The following SUPT5H variants were observed in gnomAD, a reference collection of about 807,000 sequenced individuals.
SUPT5H encodes SPT5 homolog, DSIF elongation factor subunit.
SUPT5H carries 24 observed loss-of-function variants against 142.5 expected under a neutral mutation model. The ratio of observed to expected loss-of-function variants is 0.17; its 90% confidence interval spans 0.12 to 0.24. The LOEUF is 0.24. Among genes scored for constraint, SUPT5H ranks in the 10% least tolerant of loss-of-function variants. SUPT5H has a pLI of 1.00. For missense variants in SUPT5H, 893 were observed against 1,471.8 expected, an observed-to-expected ratio of 0.61 and a Z score of 6.43; for synonymous variants, 546 against 553.0, an observed-to-expected ratio of 0.99 and a Z score of 0.18.
At position 39,458,408 on chromosome 19, in the gene SUPT5H, G is replaced by A. The variant is rs115496628; in HGVS notation, c.319+103G>A. 658 of 1,581,472 alleles carry A rather than the reference G, an allele frequency of 4.2e-4. 5 individuals are homozygous for A. In the African/African-American group the frequency reaches 7.5e-3, roughly 18 times the overall value. On this transcript the variant is annotated intron_variant, in intron 5 of 29. Transcript: ENST00000432763. This position sits in a 1 kb window ranked among gnomAD's most constrained non-coding sequence, Gnocchi z 4.2. ...CACCGGTAGCCTCCCCACCAGCCCC[G>A]GTCTGGCCCTGAGGGCTCTGACCCA...
Position 39,472,483 on chromosome 19 carries a change from C to G in SUPT5H, c.2025C>G (p.Pro675=), listed in dbSNP as rs2079334791. The part of the protein sequence containing the change: ...MSPRISSPMH[P]SAGGQRGGFG... ...CCCGGATCAGCAGCCCCATGCACCC[C>G]AGTGCTGGAGGTGAGAGGGGTTCAG... Residue 675 remains proline (P), a synonymous_variant, in exon 21 of 30, where the codon CCC becomes CCG. Coordinates refer to ENST00000432763, the MANE Select transcript of SUPT5H (RefSeq NM_001111020.3). This position sits in a 1 kb window ranked among gnomAD's most constrained non-coding sequence, Gnocchi z 4.2. 5 of 1,613,996 alleles carry G rather than the reference C, an allele frequency of 3.1e-6. No individual in the cohort carries two copies. Among genetic ancestry groups the G allele is most frequent in the Non-Finnish European group, 2.5e-6 (3 of 1,179,970 alleles).
At chr19:39,475,927 CCCAGGCCTTGGAA>C in intron 28 of SUPT5H, 141 bp from the exon 29 acceptor site, 1 of 666,598 alleles carries the variant, frequency 1.5e-6, no homozygotes, top group Non-Finnish European at 2.5e-6. Context: ...CACCACAGGC[CCCAGGCCTTGGAA>C]CCAGGCCCAG....
intron 3 of SUPT5H, among the ~76,000 whole-genome samples, chr19:39,454,975 G>A (rs1336561658): frequency 2.6e-5 from 4 of 152,202 alleles, no homozygotes; most frequent in Admixed American, 6.5e-5. Context: ...GGAAGGCTGT[G>A]TGGCAGTGCC....
rs2079289788 is a variant in SUPT5H at position 39,469,532 on chromosome 19, A to G, written c.1374+134A>G. The G allele has an allele frequency of 3.8e-6, 5 of 1,312,044 alleles. No individual in the cohort carries two copies. The South Asian group carries it at 6.9e-5, about 18-fold the overall frequency. 81.3% of individuals were successfully genotyped at this position (1,312,044 alleles called of 1,614,324 possible). On this transcript the variant is annotated intron_variant, in intron 16 of 29. Coordinates refer to ENST00000432763, the MANE Select transcript of SUPT5H (RefSeq NM_001111020.3). This position sits in a 1 kb window ranked among gnomAD's most constrained non-coding sequence, Gnocchi z 5.1. ...AAGTTGAGGCCCTTCTAGCATTCTC[A>G]GGTGCCTGAGAGGCTCTGTCTGAGT...
chr19:39,458,079 C>G lies in SUPT5H; in HGVS notation c.308-215C>G, dbSNP rs1273960120. The G allele has an allele frequency of 4.9e-6, 4 of 824,322 alleles. No individual in the cohort carries two copies. The highest frequency in any genetic ancestry group is 7.4e-6 in the Non-Finnish European group (4 of 536,984). The allele number at this position is 824,322 out of a possible 1,614,324, so 51.1% of individuals were successfully genotyped here. ...CCCCCTTTCCCCGTTATTTTCCGTT[C>G]TGTGCGCCTCATACATTTCGGCTTC... On this transcript the variant is annotated intron_variant, in intron 4 of 29. Transcript: ENST00000432763. The surrounding 1 kb of genome is among the most constrained non-coding windows in gnomAD (Gnocchi z 4.2).
Position 39,473,759 on chromosome 19 carries a change from G to C in SUPT5H, c.2493-204G>C, listed in dbSNP as rs2079359667. The stretch of plus-strand genomic sequence containing the variant: ...CCTTGGGCCTGGAGAAAGACTGCCT[G>C]GGTGGAGTGACCTTGGGAGGGCACC... On this transcript the variant is annotated intron_variant, in intron 25 of 29. Transcript: ENST00000432763. This position sits in a 1 kb window ranked among gnomAD's most constrained non-coding sequence, Gnocchi z 5.8. 6.6e-6 allele frequency among the ~76,000 whole-genome samples: 1 copy of C among 152,152 alleles called. No homozygotes were observed. The highest frequency in any genetic ancestry group is 2.1e-4 in the South Asian group (1 of 4,832).
chr19:39,469,529 C>A lies in SUPT5H; in HGVS notation c.1374+131C>A. ...GGTAAGTTGAGGCCCTTCTAGCATT[C>A]TCAGGTGCCTGAGAGGCTCTGTCTG... On this transcript the variant is annotated intron_variant, in intron 16 of 29. Coordinates refer to ENST00000432763, the MANE Select transcript of SUPT5H (RefSeq NM_001111020.3). This position sits in a 1 kb window ranked among gnomAD's most constrained non-coding sequence, Gnocchi z 5.1. 7.5e-7 allele frequency: 1 copy of A among 1,333,628 alleles called. No individual in the cohort carries two copies. The highest frequency in any genetic ancestry group is 1.0e-6 in the Non-Finnish European group (1 of 970,908). 82.6% of individuals were successfully genotyped at this position (1,333,628 alleles called of 1,614,324 possible).
intron 3 of SUPT5H, among the ~76,000 whole-genome samples, chr19:39,455,890 G>A (rs2079082181): frequency 6.7e-6 from 1 of 149,284 alleles, no homozygotes; most frequent in Non-Finnish European, 1.5e-5. Flanking sequence ...CAAAGTACTG[G>A]GATTACAGGC....
intron 2 of SUPT5H, among the ~76,000 whole-genome samples, chr19:39,450,587 A>C (rs2079009152): frequency 6.6e-6 from 1 of 152,220 alleles, no homozygotes; most frequent in Non-Finnish European, 1.5e-5. Context: ...CAGGCAGAGC[A>C]TGTGCTTCTA....
At chr19:39,455,689 C>A (rs1267334460) in intron 3 of SUPT5H, among the ~76,000 whole-genome samples, 1 of 149,504 alleles carries the variant, frequency 6.7e-6, no homozygotes, top group African/African-American at 2.5e-5. Flanking sequence ...GTGGTGCAAT[C>A]TCAGCTCACT....
Position 39,469,408 on chromosome 19 carries a change from C to T in SUPT5H, c.1374+10C>T, listed in dbSNP as rs117308525. 987 of 1,614,136 alleles carry T rather than the reference C, an allele frequency of 6.1e-4. 11 individuals carry two copies. The South Asian group carries it at 9.4e-3, about 15-fold the overall frequency. ...GCATGAGGACCTCAAGGTGGGTGCC[C>T]GGTGTTCTCGGGCAGGGGTTGGAGT... On this transcript the variant is annotated intron_variant, in intron 16 of 29. Coordinates refer to ENST00000432763, the MANE Select transcript of SUPT5H (RefSeq NM_001111020.3). The surrounding 1 kb of genome is among the most constrained non-coding windows in gnomAD (Gnocchi z 5.1).
rs1410925219 is a variant in SUPT5H at position 39,453,403 on chromosome 19, G to C, written c.123G>C (p.Glu41Asp). ...RSAAGSEKEE[E>D]PEDEEEEEEE... ...CAGCGGGCAGTGAGAAAGAAGAAGAGCCTGAGGACGAAGAGGAGGAGGAAG... is the reference window on the plus strand; with the variant it reads ...CAGCGGGCAGTGAGAAAGAAGAAGACCCTGAGGACGAAGAGGAGGAGGAAG... The change falls in exon 3 of 30, where the codon GAG becomes GAC. Residue 41 changes from glutamate to aspartate, a missense_variant. By Grantham distance (45) the Glu-to-Asp change is conservative. Around this residue, in one of 6 missense-constraint regions of SUPT5H, gnomAD observed 70 missense variants for 70.5 expected, o/e 0.99. Coordinates refer to ENST00000432763, the MANE Select transcript of SUPT5H (RefSeq NM_001111020.3). 6.3e-7 allele frequency: 1 copy of C among 1,599,556 alleles called. No individual in the cohort carries two copies. The highest frequency in any genetic ancestry group is 8.5e-7 in the Non-Finnish European group (1 of 1,172,738).
At chr19:39,460,035 G>C in intron 10 of SUPT5H, 75 bp downstream of exon 10, 5 of 1,496,412 alleles carry the variant, frequency 3.3e-6, no homozygotes, top group Non-Finnish European at 4.6e-6. Context: ...CAACTTCAGG[G>C]GTACCAGGTG....
Position 39,459,648 on chromosome 19 carries a change from G to T in SUPT5H, c.555+59G>T, listed in dbSNP as rs969581202. On this transcript the variant is annotated intron_variant, in intron 9 of 29. Coordinates refer to ENST00000432763, the MANE Select transcript of SUPT5H (RefSeq NM_001111020.3). ...GGGAGAATGAGGGAGGCTGCTTTGT[G>T]GGGGAGAAGTGTCTGTCTGTCCCGG... 5.6e-6 allele frequency: 9 copies of T among 1,605,172 alleles called. No homozygotes were observed. In the African/African-American group the frequency reaches 6.7e-5, roughly 12 times the overall value.
At position 39,453,416 on chromosome 19, in the gene SUPT5H, G is replaced by C. The variant is rs751682671; in HGVS notation, c.136G>C (p.Glu46Gln). 1.3e-6 allele frequency: 2 copies of C among 1,590,492 alleles called. No homozygotes were observed. The highest frequency in any genetic ancestry group is 2.3e-5 in the South Asian group (2 of 87,850). ...SEKEEEPEDE[E>Q]EEEEEEEYDE... The stretch of plus-strand genomic sequence containing the variant: ...GAAAGAAGAAGAGCCTGAGGACGAA[G>C]AGGAGGAGGAAGAGGAGGAGGAATA... The change falls in exon 3 of 30, where the codon GAG (glutamate) becomes CAG (glutamine). Residue 46 changes from glutamate to glutamine, a missense_variant. Coordinates refer to ENST00000432763, the MANE Select transcript of SUPT5H (RefSeq NM_001111020.3).
chr19:39,475,938 GA>G, intron 28 of SUPT5H, 142 bp from the exon 29 acceptor site: 2 of 727,178 alleles, frequency 2.8e-6, no homozygotes, highest in Non-Finnish European at 4.5e-6. Flanking sequence ...CCAGGCCTTG[GA>G]ACCAGGCCCA....
Position 39,461,551 on chromosome 19 carries a change from G to T in SUPT5H, c.624+1591G>T, listed in dbSNP as rs187908896. Among the ~76,000 whole-genome samples, 38 of 152,160 alleles carry T rather than the reference G, an allele frequency of 2.5e-4. No homozygotes were observed. In the East Asian group the frequency reaches 6.8e-3, roughly 27 times the overall value. ...AAGAAAATAATAATAGGCCGGGCGC[G>T]GTGGCTCACGCCTGTAATCCCAGCA... is the stretch of plus-strand genomic sequence containing the variant. On this transcript the variant is annotated intron_variant, in intron 10 of 29. Coordinates refer to ENST00000432763, the MANE Select transcript of SUPT5H (RefSeq NM_001111020.3).
intron 13 of SUPT5H, chr19:39,468,262 C>T (rs1400926606): frequency 1.2e-5 from 2 of 160,072 alleles, no homozygotes; most frequent in Non-Finnish European, 2.8e-5. Flanking sequence ...CATTCCCTCA[C>T]CTGGAAATGA....
At chr19:39,457,978 G>A (rs2079112343) in intron 4 of SUPT5H, 2 of 825,840 alleles carry the variant, frequency 2.4e-6, no homozygotes, top group South Asian at 1.5e-5. Context: ...GGATCCCAGG[G>A]CCCAGTGAAT....
Sources: gnomAD v4.1 joint callset for allele counts (sites outside exome capture counted in the v4.1 genomes callset) on GRCh38, gnomAD v4.1.1 for gene constraint, gnomAD v4.1.1 regional missense constraint, Gnocchi (gnomAD v3.1) non-coding constraint, MANE v1.5 for transcripts, NCBI Gene and HGNC (gene_info 2026-07-23, HGNC 2026-07-21) for gene names.